LRIG3: variants seen among roughly 807,000 people sequenced by gnomAD.
LRIG3 encodes leucine rich repeats and immunoglobulin like domains 3.
Under a neutral mutation model 114.5 loss-of-function variants are expected in LRIG3, and 76 were observed. The observed-to-expected ratio is 0.66, with a 90% CI of 0.55 to 0.80. The LOEUF is 0.80. Ranked by LOEUF, LRIG3 falls within the 30% of genes least tolerant of loss-of-function variation. The probability of loss-of-function intolerance (pLI) is 0.00; values close to 1 mark genes in which losing one functional copy is unlikely to be tolerated. For synonymous variants in LRIG3, 512 were observed against 519.8 expected (o/e 0.98, Z 0.20); for missense variants, 1,239 against 1,382.8 (o/e 0.90, Z 1.65).
chr12:58,905,304 T>C (rs992087265), intron 3 of LRIG3, among the ~76,000 whole-genome samples: 1 of 152,250 alleles, frequency 6.6e-6, no homozygotes, highest in Admixed American at 6.5e-5. Context: ...CCAGTTTATA[T>C]TTAAATGTGA....
intron 16 of LRIG3, 101 bp from the exon 17 acceptor site, chr12:58,874,674 T>A: frequency 1.4e-6 from 2 of 1,464,848 alleles, no homozygotes; most frequent in African/African-American, 1.4e-5. Context: ...AAAGTTTGAC[T>A]AGAACATCAT....
At chr12:58,895,004 TG>T (rs777285235) in intron 3 of LRIG3, among the ~76,000 whole-genome samples, 1 of 152,172 alleles carries the variant, frequency 6.6e-6, no homozygotes, top group Non-Finnish European at 1.5e-5. Flanking sequence ...AAGAGACCAC[TG>T]GAAAAACAGG....
chr12:58,877,533 G>A lies in LRIG3; in HGVS notation c.2403C>T (p.Asp801=), dbSNP rs576503868. 4.0e-5 allele frequency: 65 copies of A among 1,614,028 alleles called. 1 individual carries two copies. In the Admixed American group the frequency reaches 8.2e-4, roughly 20 times the overall value. The change falls in exon 15 of 19, where the codon GAC becomes GAT. Residue 801 remains aspartate, a synonymous_variant. Coordinates refer to ENST00000320743, the MANE Select transcript of LRIG3 (RefSeq NM_153377.5). ...CACCCACAGTGGCCCATCCGTCATC[G>A]TCTAACGATGGGGCTGTCATCTGAG... ...DSPQMTAPSL[D]DDGWATVGVV... is the part of the protein sequence containing the mutation.
chr12:58,901,854 A>G (rs1565621115), intron 3 of LRIG3, among the ~76,000 whole-genome samples: 1 of 152,208 alleles, frequency 6.6e-6, no homozygotes, highest in Non-Finnish European at 1.5e-5. Context: ...CTCACCAAGA[A>G]TGAGCTTTCG....
rs755540790 is a variant in LRIG3 at position 58,880,604 on chromosome 12, A to C, written c.1778T>G (p.Val593Gly). ...ISNHFGSSYS[V>G]KAKLTVNMLP... ...ACTATTTACTGTAAGCTTGGCTTTG[A>C]CAGAGTAGGATGAACCAAAGTGATT... The change falls in exon 13 of 19, where the codon GTC becomes GGC. Residue 593 changes from valine (V) to glycine (G), a missense_variant. Coordinates refer to ENST00000320743, the MANE Select transcript of LRIG3 (RefSeq NM_153377.5). 3.1e-6 allele frequency: 5 copies of C among 1,612,764 alleles called. No homozygotes were observed. In the South Asian group the frequency reaches 5.5e-5, roughly 18 times the overall value.
At chr12:58,915,724 C>T (rs185058260) in intron 1 of LRIG3, among the ~76,000 whole-genome samples, 27 of 152,248 alleles carry the variant, frequency 1.8e-4, no homozygotes, top group Non-Finnish European at 3.2e-4. Flanking sequence ...ATGCTCACCA[C>T]GCTGGCTGGA....
At chr12:58,893,247 G>C (rs1871516276) in intron 3 of LRIG3, among the ~76,000 whole-genome samples, 1 of 152,234 alleles carries the variant, frequency 6.6e-6, no homozygotes, top group Non-Finnish European at 1.5e-5. Flanking sequence ...TCTCGAAATA[G>C]TGTTAAAACT....
intron 3 of LRIG3, among the ~76,000 whole-genome samples, chr12:58,907,600 G>A (rs1204806700): frequency 4.6e-5 from 7 of 152,204 alleles, no homozygotes; most frequent in Non-Finnish European, 1.0e-4. Context: ...ACTCTTTCAT[G>A]TACATTATGC....
At chr12:58,882,152 C>T (rs1871147101) in intron 12 of LRIG3, among the ~76,000 whole-genome samples, 1 of 152,120 alleles carries the variant, frequency 6.6e-6, no homozygotes, top group African/African-American at 2.4e-5. Context: ...TATTTTAACA[C>T]CCATGCTTAA....
intron 16 of LRIG3, among the ~76,000 whole-genome samples, chr12:58,875,533 C>T (rs888051608): frequency 6.6e-6 from 1 of 152,216 alleles, no homozygotes; most frequent in Non-Finnish European, 1.5e-5. Context: ...ACATCGATGG[C>T]TTCCACTTGC....
chr12:58,884,053 C>G (rs1365518993), intron 10 of LRIG3, among the ~76,000 whole-genome samples: 1 of 152,058 alleles, frequency 6.6e-6, no homozygotes, highest in East Asian at 1.9e-4. Context: ...TACAACAACC[C>G]AAAATATGAT....
At chr12:58,909,803 T>C (rs1437222628) in intron 3 of LRIG3, among the ~76,000 whole-genome samples, 2 of 152,256 alleles carry the variant, frequency 1.3e-5, no homozygotes, top group Admixed American at 1.3e-4. Flanking sequence ...GCTTTACTTT[T>C]AATCACTGTT....
chr12:58,906,062 T>C (rs75848373), intron 3 of LRIG3, among the ~76,000 whole-genome samples: 1,843 of 152,100 alleles, frequency 0.012, 32 homozygotes, highest in East Asian at 0.088. Context: ...TAGATAAATT[T>C]GGCAGTAAAG....
chr12:58,880,657 A>G lies in LRIG3; in HGVS notation c.1725T>C (p.Ser575=). The change falls in exon 13 of 19, where the codon AGT becomes AGC. Residue 575 remains serine, a synonymous_variant. Transcript: ENST00000320743. ...AGATGACACACTGATATTTCCCCTC[A>G]CTGGCAAATTCCACCTCGCGCAGCC... The part of the protein sequence containing the change: ...ILRLREVEFA[S]EGKYQCVISN... The G allele has an allele frequency of 6.2e-7, 1 of 1,614,246 alleles. No individual in the cohort carries two copies. The highest frequency in any genetic ancestry group is 8.5e-7 in the Non-Finnish European group (1 of 1,180,044).
chr12:58,914,755 A>G (rs975695265), intron 1 of LRIG3, among the ~76,000 whole-genome samples: 1 of 152,240 alleles, frequency 6.6e-6, no homozygotes, highest in Non-Finnish European at 1.5e-5. Context: ...TTTAAGCATC[A>G]ATGTCCTTAT....
chr12:58,905,492 A>G (rs959420533), intron 3 of LRIG3, among the ~76,000 whole-genome samples: 1 of 152,160 alleles, frequency 6.6e-6, no homozygotes, highest in Admixed American at 6.5e-5. Flanking sequence ...ACTAAACGTA[A>G]TATCTGGTTT....
Position 58,893,160 on chromosome 12 carries a change from C to T in LRIG3, c.384-2364G>A, listed in dbSNP as rs114964417. On this transcript the variant is annotated intron_variant, in intron 3 of 18. Transcript: ENST00000320743. Reference sequence around the variant, plus strand: ...CAGATGGCCGACTTTCTGTCAGGTGCCACCTTCTTCACAAGAGAATAATAA... The same window carrying T: ...CAGATGGCCGACTTTCTGTCAGGTGTCACCTTCTTCACAAGAGAATAATAA... Among the ~76,000 whole-genome samples, 822 of 152,260 alleles carry T rather than the reference C, an allele frequency of 5.4e-3. 5 individuals are homozygous for T. The highest frequency in any genetic ancestry group is 0.019 in the African/African-American group (782 of 41,528).
At chr12:58,912,442 G>A (rs1872319443) in intron 3 of LRIG3, among the ~76,000 whole-genome samples, 1 of 152,054 alleles carries the variant, frequency 6.6e-6, no homozygotes, top group Non-Finnish European at 1.5e-5. Context: ...CTTACAGTGA[G>A]CCAAGATCGT....
intron 3 of LRIG3, among the ~76,000 whole-genome samples, chr12:58,906,612 T>C (rs1382776570): frequency 2.6e-5 from 4 of 152,132 alleles, no homozygotes; most frequent in Non-Finnish European, 5.9e-5. Flanking sequence ...ATATTGCAGA[T>C]CTGATTTGTG....
Sources: allele counts gnomAD v4.1 joint callset (sites outside exome capture counted in the v4.1 genomes callset), GRCh38; gene constraint gnomAD v4.1.1; transcripts MANE v1.5; gene names NCBI Gene and HGNC (gene_info 2026-07-23, HGNC 2026-07-21).